The following ATAD2B variants were observed in gnomAD, a reference collection of about 807,000 sequenced individuals.
ATAD2B encodes the protein ATPase family AAA domain-containing protein 2B.
A neutral mutation model predicts 167.6 loss-of-function variants in ATAD2B; 40 were observed. That is an observed-to-expected ratio of 0.24 (90% confidence interval 0.19 to 0.31). The LOEUF (loss-of-function observed/expected upper bound fraction) is 0.31. Among genes scored for constraint, ATAD2B ranks in the 10% least tolerant of loss-of-function variants. ATAD2B has a pLI of 1.00. For missense variants in ATAD2B, 1,242 were observed against 1,757.2 expected (o/e 0.71, Z 5.24); for synonymous variants, 579 against 596.5 (o/e 0.97, Z 0.43).
chr2:23,788,114 T>A (rs1681095546), intron 20 of ATAD2B: 1 of 170,362 alleles, frequency 5.9e-6, no homozygotes, highest in Non-Finnish European at 1.3e-5. Flanking sequence ...TAAGCAGCTA[T>A]TAGCCCATCA....
At chr2:23,900,193 A>G (rs1048580289) in intron 1 of ATAD2B, among the ~76,000 whole-genome samples, 5 of 151,900 alleles carry the variant, frequency 3.3e-5, no homozygotes, top group Non-Finnish European at 5.9e-5. Flanking sequence ...TGGGATTAGA[A>G]GCATGAGCCA....
chr2:23,782,319 A>G (rs892500162), intron 22 of ATAD2B, among the ~76,000 whole-genome samples: 1 of 152,228 alleles, frequency 6.6e-6, no homozygotes, highest in Non-Finnish European at 1.5e-5. Context: ...AGTATAATAA[A>G]TCACCTCATT....
intron 22 of ATAD2B, among the ~76,000 whole-genome samples, chr2:23,766,565 C>T (rs937888359): frequency 6.6e-6 from 1 of 152,192 alleles, no homozygotes; most frequent in African/African-American, 2.4e-5. Context: ...TTACTTCCAA[C>T]ACATTTTCTC....
chr2:23,843,233 C>A (rs752634024), intron 13 of ATAD2B, among the ~76,000 whole-genome samples: 60 of 152,228 alleles, frequency 3.9e-4, no homozygotes, highest in Non-Finnish European at 5.4e-4. Flanking sequence ...GTTGGATGAA[C>A]ATAACCAAAT....
chr2:23,769,754 C>A (rs1316816099), intron 22 of ATAD2B, among the ~76,000 whole-genome samples: 2 of 130,282 alleles, frequency 1.5e-5, no homozygotes, highest in African/African-American at 5.8e-5. Context: ...CTCATTCTGT[C>A]GCCCAGGCTG....
At chr2:23,807,772 C>G (rs573877301) in intron 18 of ATAD2B, among the ~76,000 whole-genome samples, 2 of 144,622 alleles carry the variant, frequency 1.4e-5, no homozygotes, top group Non-Finnish European at 3.0e-5. Context: ...GCTGAGATTG[C>G]GCCACTGCAC....
In ATAD2B at chr2:23,813,712, C is replaced by T. The variant is rs543529825; in HGVS notation, c.2268-3210G>A. On this transcript the variant is annotated intron_variant, in intron 17 of 27. Transcript: ENST00000238789. ...GTGAGCCATGATGGTGCCACTGCAT[C>T]CCAGCCTGGGTGACAGAATGAGACC... Among the ~76,000 whole-genome samples the T allele has an allele frequency of 6.6e-5, 10 of 151,894 alleles. No homozygotes were observed. The South Asian group carries it at 2.1e-3, about 32-fold the overall frequency.
chr2:23,776,764 T>C (rs923370229), intron 22 of ATAD2B, among the ~76,000 whole-genome samples: 1 of 152,198 alleles, frequency 6.6e-6, no homozygotes, highest in African/African-American at 2.4e-5. Flanking sequence ...TTATTCATGA[T>C]TGCCACCTCT....
intron 19 of ATAD2B, among the ~76,000 whole-genome samples, chr2:23,789,719 G>A (rs1243278606): frequency 1.3e-5 from 2 of 151,982 alleles, no homozygotes; most frequent in Non-Finnish European, 2.9e-5. Flanking sequence ...ACCACTTACT[G>A]GATTAAACCT....
chr2:23,858,925 ATAAC>A (rs1394037907), intron 12 of ATAD2B, among the ~76,000 whole-genome samples: 1 of 152,244 alleles, frequency 6.6e-6, no homozygotes, highest in Non-Finnish European at 1.5e-5. Flanking sequence ...TAGTAAATAA[ATAAC>A]TGTATTTATC....
chr2:23,730,532 G>T, the ATAD2B span, among the ~76,000 whole-genome samples: 1 of 151,562 alleles, frequency 6.6e-6, no homozygotes, highest in Non-Finnish European at 1.5e-5. Flanking sequence ...CGGGTGTGGT[G>T]GTGGGCACCT....
chr2:23,726,031 A>G, the ATAD2B span, among the ~76,000 whole-genome samples: 3 of 152,242 alleles, frequency 2.0e-5, no homozygotes, highest in African/African-American at 7.2e-5. Flanking sequence ...TGGAATTGCT[A>G]TATGATCCAT....
chr2:23,886,967 G>A (rs978262996), intron 4 of ATAD2B, among the ~76,000 whole-genome samples: 1 of 149,370 alleles, frequency 6.7e-6, no homozygotes, highest in African/African-American at 2.5e-5. Flanking sequence ...ACATGCTAAC[G>A]TCTTAGCAAT....
chr2:23,811,872 A>C (rs1414660006), intron 17 of ATAD2B, among the ~76,000 whole-genome samples: 2 of 152,208 alleles, frequency 1.3e-5, no homozygotes, highest in African/African-American at 4.8e-5. Flanking sequence ...ATATATATAC[A>C]TAAACTTCTT....
At chr2:23,690,686 G>A in the ATAD2B span, 2 of 152,234 alleles carry the variant, frequency 1.3e-5, no homozygotes, top group Non-Finnish European at 2.9e-5. Context: ...GGCCGCCTCC[G>A]GACTCCTAAC....
chr2:23,742,267 C>T, the ATAD2B span, among the ~76,000 whole-genome samples: 11 of 151,952 alleles, frequency 7.2e-5, no homozygotes, highest in Non-Finnish European at 1.0e-4. Context: ...ATGTTTACAG[C>T]GGCACTATTC....
chr2:23,756,748 C>CA (rs1675998226), intron 25 of ATAD2B, among the ~76,000 whole-genome samples: 1 of 152,104 alleles, frequency 6.6e-6, no homozygotes, highest in Non-Finnish European at 1.5e-5. Flanking sequence ...ACTTATAAAG[C>CA]AATGAAGGCT....
rs1233510216 is a variant in ATAD2B at position 23,926,744 on chromosome 2, G to A, written c.27C>T (p.Leu9=). The change falls in exon 1 of 28, where the codon CTC becomes CTT. Residue 9 remains leucine, a synonymous_variant. Transcript: ENST00000238789. The part of the protein sequence containing the change: MVNTRKSS[L]RLLGSKSPGP... ...CAGGAGACTTGGACCCGAGAAGGCG[G>A]AGAGAGCTCTTCCGGGTGTTCACCA... 1 of 1,547,486 alleles carries A rather than the reference G, an allele frequency of 6.5e-7. No individual in the cohort carries two copies. The highest frequency in any genetic ancestry group is 8.7e-7 in the Non-Finnish European group (1 of 1,145,926).
intron 7 of ATAD2B, among the ~76,000 whole-genome samples, chr2:23,879,856 AC>A (rs1697588213): frequency 6.6e-6 from 1 of 151,944 alleles, no homozygotes; most frequent in Non-Finnish European, 1.5e-5. Context: ...GGAGTTCGAG[AC>A]CAGCCTGGCC....
Sources: allele counts gnomAD v4.1 joint callset (sites outside exome capture counted in the v4.1 genomes callset), GRCh38; gene constraint gnomAD v4.1.1; transcripts MANE v1.5; gene names NCBI Gene and HGNC (gene_info 2026-07-23, HGNC 2026-07-21).